Variants in RBFOX1 observed in about 807,000 individuals in gnomAD.
RBFOX1 encodes the protein RNA binding fox-1 homolog 1.
Under a neutral mutation model 57.7 loss-of-function variants are expected in RBFOX1, and 8 were observed. The observed-to-expected ratio is 0.14, with a 90% CI of 0.08 to 0.25. The LOEUF is 0.25. Among genes scored for constraint, RBFOX1 ranks in the 10% least tolerant of loss-of-function variants. RBFOX1 has a pLI of 1.00. For missense variants in RBFOX1, 611 were observed against 548.5 expected, an observed-to-expected ratio of 1.11 and a Z score of -1.14; for synonymous variants, 326 against 222.4, an observed-to-expected ratio of 1.47 and a Z score of -4.15.
chr16:7,424,699 A>G (rs1364607023), intron 4 of RBFOX1, among the ~76,000 whole-genome samples: 5 of 152,228 alleles, frequency 3.3e-5, no homozygotes, highest in African/African-American at 9.6e-5. Context: ...GAAAGAACCT[A>G]TGGAAGGGGA....
At chr16:6,834,016 T>C (rs530590584) in intron 3 of RBFOX1, among the ~76,000 whole-genome samples, 13 of 151,996 alleles carry the variant, frequency 8.6e-5, no homozygotes, top group Admixed American at 3.9e-4. Flanking sequence ...TGGGAAGCCA[T>C]TGGAGGAATT....
chr16:6,880,145 C>A (rs1284459530), intron 3 of RBFOX1, among the ~76,000 whole-genome samples: 1 of 152,092 alleles, frequency 6.6e-6, no homozygotes, highest in Non-Finnish European at 1.5e-5. Flanking sequence ...GTGTTAGATG[C>A]ACAGTTCTCT....
At chr16:7,585,335 GCTCTGTAAAGGAATATT>G (rs1249487933) in intron 6 of RBFOX1, among the ~76,000 whole-genome samples, 17 of 152,174 alleles carry the variant, frequency 1.1e-4, no homozygotes, top group African/African-American at 3.9e-4. Flanking sequence ...CACTGAAAAT[GCTCTGTAAAGGAATATT>G]CTCTTGACCA....
chr16:6,369,080 A>G (rs902700841), intron 2 of RBFOX1, among the ~76,000 whole-genome samples: 13 of 152,220 alleles, frequency 8.5e-5, no homozygotes, highest in Non-Finnish European at 1.5e-4. Context: ...GGATATATGT[A>G]TATATACATG....
chr16:6,740,057 G>T (rs944376742), intron 3 of RBFOX1, among the ~76,000 whole-genome samples: 5 of 152,014 alleles, frequency 3.3e-5, no homozygotes, highest in Non-Finnish European at 7.4e-5. Context: ...TATATAAAAA[G>T]ACTTATGCAC....
At chr16:6,933,042 G>T (rs2076814320) in intron 3 of RBFOX1, among the ~76,000 whole-genome samples, 1 of 152,202 alleles carries the variant, frequency 6.6e-6, no homozygotes, top group East Asian at 1.9e-4. Flanking sequence ...ATATCCTTAA[G>T]GTTCATCTGT....
chr16:5,239,758 C>T (rs1450656184), upstream of RBFOX1: 3 of 161,900 alleles, frequency 1.9e-5, no homozygotes, highest in East Asian at 1.4e-4. Flanking sequence ...GGAGCCCGCG[C>T]CGGCCCCGAT....
chr16:6,114,127 A>G (rs1290012897), intron 1 of RBFOX1, among the ~76,000 whole-genome samples: 2 of 152,208 alleles, frequency 1.3e-5, no homozygotes, highest in African/African-American at 2.4e-5. Flanking sequence ...ATATTCACAA[A>G]GAAAAAAGTT....
intron 1 of RBFOX1, among the ~76,000 whole-genome samples, chr16:6,117,107 G>A (rs765861466): frequency 6.6e-6 from 1 of 152,162 alleles, no homozygotes; most frequent in Non-Finnish European, 1.5e-5. Context: ...TGGAGTAGTT[G>A]TAGATAAATA....
chr16:6,950,649 C>T (rs1319968400), intron 3 of RBFOX1, among the ~76,000 whole-genome samples: 1 of 152,014 alleles, frequency 6.6e-6, no homozygotes, highest in Non-Finnish European at 1.5e-5. Flanking sequence ...AAATCTCTCT[C>T]AAGGATGCAG....
chr16:6,519,106 C>T (rs149962907), intron 2 of RBFOX1, among the ~76,000 whole-genome samples: 1 of 151,688 alleles, frequency 6.6e-6, no homozygotes, highest in Non-Finnish European at 1.5e-5. Context: ...TGGAAAGGCA[C>T]AAAGTGGAAA....
chr16:5,380,645 C>G (rs892557877), intron 1 of RBFOX1, among the ~76,000 whole-genome samples: 1 of 152,166 alleles, frequency 6.6e-6, no homozygotes, highest in Non-Finnish European at 1.5e-5. Context: ...TATTACATTT[C>G]ATCCTTAAAC....
At chr16:6,400,870 A>T (rs922754887) in intron 2 of RBFOX1, among the ~76,000 whole-genome samples, 3 of 152,188 alleles carry the variant, frequency 2.0e-5, no homozygotes, top group African/African-American at 4.8e-5. Context: ...ATTCCAGTGA[A>T]AGAGCAAGAC....
At chr16:5,366,058 C>T in intron 1 of RBFOX1, 1 of 474,652 alleles carries the variant, frequency 2.1e-6, no homozygotes, top group East Asian at 5.4e-5. Flanking sequence ...AATGGTTTCC[C>T]TTGGGGCTTT....
chr16:6,334,814 C>T (rs1014376149), intron 2 of RBFOX1, among the ~76,000 whole-genome samples: 3 of 152,148 alleles, frequency 2.0e-5, no homozygotes, highest in Non-Finnish European at 2.9e-5. Context: ...TGGCAGGTAA[C>T]ATATATACCA....
intron 1 of RBFOX1, among the ~76,000 whole-genome samples, chr16:6,178,563 C>G (rs972949199): frequency 6.6e-6 from 1 of 152,076 alleles, no homozygotes; most frequent in East Asian, 1.9e-4. Context: ...TGATGGCTTA[C>G]TATGAAGGAG....
At chr16:7,119,753 T>C (rs1356745078) in intron 4 of RBFOX1, among the ~76,000 whole-genome samples, 3 of 152,092 alleles carry the variant, frequency 2.0e-5, no homozygotes, top group South Asian at 4.1e-4. Flanking sequence ...ATGGAGAGTC[T>C]ACAAACATAA....
intron 2 of RBFOX1, among the ~76,000 whole-genome samples, chr16:6,341,852 A>G (rs912945607): frequency 6.6e-6 from 1 of 152,214 alleles, no homozygotes; most frequent in South Asian, 2.1e-4. Flanking sequence ...ATTGGAGTCC[A>G]AATCAGGACT....
chr16:5,624,234 G>A (rs558153277), intron 3 of RBFOX1, among the ~76,000 whole-genome samples: 5 of 152,112 alleles, frequency 3.3e-5, no homozygotes, highest in South Asian at 2.1e-4. Context: ...TCGCTCTGTC[G>A]CCCAGGCTAG....
Sources: gnomAD v4.1 joint callset for allele counts (sites outside exome capture counted in the v4.1 genomes callset) on GRCh38, gnomAD v4.1.1 for gene constraint, MANE v1.5 for transcripts, NCBI Gene and HGNC (gene_info 2026-07-23, HGNC 2026-07-21) for gene names.